The following MACROD2 variants were observed in gnomAD, a reference collection of about 807,000 sequenced individuals.
MACROD2 encodes mono-ADP ribosylhydrolase 2.
MACROD2 carries 36 observed loss-of-function variants against 70.4 expected under a neutral mutation model. That is an observed-to-expected ratio of 0.51 (90% CI 0.39 to 0.68). MACROD2 has a LOEUF of 0.68. Ranked by LOEUF, MACROD2 falls within the 30% of genes least tolerant of loss-of-function variation. The pLI is 0.00. For synonymous variants in MACROD2, 172 were observed against 178.8 expected, an observed-to-expected ratio of 0.96 and a Z score of 0.30; for missense variants, 496 against 538.4, an observed-to-expected ratio of 0.92 and a Z score of 0.78.
At chr20:15,772,130 T>G (rs1162609455) in intron 8 of MACROD2, among the ~76,000 whole-genome samples, 3 of 135,488 alleles carry the variant, frequency 2.2e-5, no homozygotes, top group Admixed American at 7.8e-5. Context: ...ATATATATAT[T>G]TCTTTTGTAT....
At chr20:14,916,917 A>G (rs1233088871) in intron 5 of MACROD2, among the ~76,000 whole-genome samples, 1 of 152,068 alleles carries the variant, frequency 6.6e-6, no homozygotes, top group Non-Finnish European at 1.5e-5. Flanking sequence ...AAAAATTTAG[A>G]AATTTTATTT....
chr20:15,421,294 C>T (rs1406450328), intron 6 of MACROD2, among the ~76,000 whole-genome samples: 1 of 152,014 alleles, frequency 6.6e-6, no homozygotes, highest in Non-Finnish European at 1.5e-5. Context: ...GAGAGGATCA[C>T]CTCAGCTCAG....
At chr20:15,051,933 A>G (rs1426573470) in intron 5 of MACROD2, among the ~76,000 whole-genome samples, 2 of 151,974 alleles carry the variant, frequency 1.3e-5, no homozygotes, top group Non-Finnish European at 2.9e-5. Flanking sequence ...TTGTGTTTTT[A>G]GTAGAGACAG....
chr20:14,139,483 C>T (rs2054841582), intron 3 of MACROD2, among the ~76,000 whole-genome samples: 1 of 152,132 alleles, frequency 6.6e-6, no homozygotes, highest in Non-Finnish European at 1.5e-5. Flanking sequence ...TCATCTGTTC[C>T]TATTTTATGG....
chr20:15,939,412 C>T (rs2065716722), intron 12 of MACROD2, among the ~76,000 whole-genome samples: 1 of 152,138 alleles, frequency 6.6e-6, no homozygotes, highest in Non-Finnish European at 1.5e-5. Context: ...GCGAAGTCTA[C>T]CCCACCTGTG....
intron 10 of MACROD2, among the ~76,000 whole-genome samples, chr20:15,921,164 A>T (rs922089296): frequency 1.4e-4 from 21 of 152,120 alleles, no homozygotes; most frequent in African/African-American, 4.1e-4. Context: ...AAGGGCACAA[A>T]GCCCTTTCTA....
rs958077969 is a variant in MACROD2, at chr20:14,439,882, G to A, written c.272-53597G>A. ...ACACATAGATAAGTCCCAGAGGCAG[G>A]AAGTCATGGGATTTTTACAGAGTTA... On this transcript the variant is annotated intron_variant, in intron 3 of 17. Coordinates refer to ENST00000684519, the MANE Select transcript of MACROD2 (RefSeq NM_001351661.2). Among the ~76,000 whole-genome samples, 3 of 152,190 alleles carry A rather than the reference G, an allele frequency of 2.0e-5. No individual in the cohort carries two copies. The East Asian group carries it at 5.8e-4, about 29-fold the overall frequency.
chr20:15,067,383 T>G (rs2075585454), intron 5 of MACROD2, among the ~76,000 whole-genome samples: 1 of 152,208 alleles, frequency 6.6e-6, no homozygotes, highest in Admixed American at 6.5e-5. Flanking sequence ...GGAGTCTCAC[T>G]CTGTTGCTCA....
intron 8 of MACROD2, among the ~76,000 whole-genome samples, chr20:15,500,257 T>G (rs2146492158): frequency 6.6e-6 from 1 of 152,332 alleles, no homozygotes; most frequent in East Asian, 1.9e-4. Context: ...TCTTTGGATT[T>G]ATAACTAATC....
At chr20:14,413,484 A>C (rs1046217184) in intron 3 of MACROD2, among the ~76,000 whole-genome samples, 5 of 152,108 alleles carry the variant, frequency 3.3e-5, no homozygotes, top group Non-Finnish European at 5.9e-5. Context: ...GTTGAAAGAC[A>C]TTCTCTGGGA....
chr20:14,526,730 C>G (rs141913894), intron 4 of MACROD2, among the ~76,000 whole-genome samples: 1 of 152,136 alleles, frequency 6.6e-6, no homozygotes, highest in African/African-American at 2.4e-5. Flanking sequence ...CTTCAGTGTC[C>G]TGCTGCTGAA....
chr20:14,523,442 A>G (rs1410210884), intron 4 of MACROD2: 1 of 152,190 alleles, frequency 6.6e-6, no homozygotes, highest in African/African-American at 2.4e-5. Context: ...TTCTGTCCCC[A>G]TTTTGGGGTA....
intron 3 of MACROD2, among the ~76,000 whole-genome samples, chr20:14,106,575 A>C (rs1271788433): frequency 1.3e-5 from 2 of 152,098 alleles, no homozygotes; most frequent in East Asian, 3.9e-4. Context: ...AGGGCCTTGA[A>C]TGAACATAGG....
intron 4 of MACROD2, among the ~76,000 whole-genome samples, chr20:14,512,932 G>A (rs909879002): frequency 2.0e-5 from 3 of 152,042 alleles, no homozygotes; most frequent in Non-Finnish European, 4.4e-5. Context: ...AACAGATGAT[G>A]GAATTTCACC....
chr20:14,577,374 G>A (rs1044683825), intron 4 of MACROD2, among the ~76,000 whole-genome samples: 1 of 152,134 alleles, frequency 6.6e-6, no homozygotes, highest in Non-Finnish European at 1.5e-5. Context: ...CTTTCCTCTT[G>A]TAAAGCGTAT....
At chr20:15,595,826 A>T (rs1040911863) in intron 8 of MACROD2, among the ~76,000 whole-genome samples, 1 of 151,632 alleles carries the variant, frequency 6.6e-6, no homozygotes, top group Non-Finnish European at 1.5e-5. Flanking sequence ...AACTTGGCAC[A>T]CTAATAGAGG....
chr20:15,769,749 A>G (rs1312754556), intron 8 of MACROD2, among the ~76,000 whole-genome samples: 4 of 152,234 alleles, frequency 2.6e-5, no homozygotes, highest in Non-Finnish European at 5.9e-5. Flanking sequence ...AGTTATTATG[A>G]AAACTAACAC....
chr20:15,922,781 T>G (rs1034910023), intron 10 of MACROD2, among the ~76,000 whole-genome samples: 1 of 152,212 alleles, frequency 6.6e-6, no homozygotes, highest in African/African-American at 2.4e-5. Flanking sequence ...AGCATGCTTC[T>G]GGAGGGGGTG....
At chr20:14,404,619 T>A (rs773520678) in intron 3 of MACROD2, among the ~76,000 whole-genome samples, 2 of 151,704 alleles carry the variant, frequency 1.3e-5, no homozygotes, top group Non-Finnish European at 2.9e-5. Flanking sequence ...TAATAATATA[T>A]TGAAACCCTG....
Sources: gnomAD v4.1 joint callset for allele counts (sites outside exome capture counted in the v4.1 genomes callset) on GRCh38, gnomAD v4.1.1 for gene constraint, MANE v1.5 for transcripts, NCBI Gene and HGNC (gene_info 2026-07-23, HGNC 2026-07-21) for gene names.